Variants in TOR1A observed in about 807,000 individuals in gnomAD.
TOR1A encodes torsin-1A.
In TOR1A, 18 loss-of-function variants were observed where a neutral mutation model predicts 31.4. That is an observed-to-expected ratio of 0.57 (90% confidence interval 0.40 to 0.85). The LOEUF is 0.85. Among genes scored for constraint, TOR1A ranks in the 40% least tolerant of loss-of-function variants. TOR1A has a pLI of 0.00. For missense variants in TOR1A, 375 were observed against 416.4 expected, an observed-to-expected ratio of 0.90 and a Z score of 0.87; for synonymous variants, 168 against 165.9, an observed-to-expected ratio of 1.01 and a Z score of -0.10.
At position 129,814,193 on chromosome 9, in the gene TOR1A, G is replaced by A. The variant is rs771932392; in HGVS notation, c.778C>T (p.Arg260Trp). Reference sequence around the variant, plus strand: ...GGAACAAAATAATCAATGAGGTTCCGGTCAATTAAGCTGCTGTGCCAGAAG... The same window carrying A: ...GGAACAAAATAATCAATGAGGTTCCAGTCAATTAAGCTGCTGTGCCAGAAG... ...SGFWHSSLID[R>W]NLIDYFVPFL... The change falls in exon 5 of 5, where the codon CGG (arginine) becomes TGG (tryptophan). Residue 260 changes from arginine (R) to tryptophan (W), a missense_variant. Transcript: ENST00000351698. 1.6e-5 allele frequency: 26 copies of A among 1,613,950 alleles called. No homozygotes were observed. Among genetic ancestry groups the A allele is most frequent in the South Asian group, 4.4e-5 (4 of 91,072 alleles).
rs2030938279 is a variant in TOR1A at position 129,813,150 on chromosome 9, AT to A, written c.*821del. Reference sequence around the variant, plus strand: ...ATCCAGCAGAGAGCACGTGTGGGCTATTTGGAATGGACAGTGAAGGGCCACC... The same window carrying A: ...ATCCAGCAGAGAGCACGTGTGGGCTATTGGAATGGACAGTGAAGGGCCACC... On this transcript the variant is annotated 3_prime_UTR_variant, in exon 5 of 5. Transcript: ENST00000351698. 7 of 152,220 alleles carry A rather than the reference AT, an allele frequency of 4.6e-5. No individual in the cohort carries two copies. Among genetic ancestry groups the A allele is most frequent in the Admixed American group, 1.3e-4 (2 of 15,276 alleles). The allele number at this position is 152,220 out of a possible 1,614,324, so 9.4% of individuals were successfully genotyped here.
rs752630836 is a variant in TOR1A, at chr9:129,823,956, A to C, written c.130T>G (p.Cys44Gly). ...TGCCCGCAGCACTCGGCGAAGAGGC[A>C]GTAGAGACGCGGGTAGATGTAGCCG... ...LTGYIYPRLY[C>G]LFAECCGQKR... is the part of the protein sequence containing the mutation. The change falls in exon 1 of 5, where the codon TGC becomes GGC. Residue 44 changes from cysteine to glycine, a missense_variant. Transcript: ENST00000351698. The C allele has an allele frequency of 2.9e-5, 45 of 1,549,336 alleles. No homozygotes were observed. In the Admixed American group the frequency reaches 7.1e-4, roughly 24 times the overall value.
chr9:129,823,617 G>C, intron 1 of TOR1A: 1 of 408,352 alleles, frequency 2.4e-6, no homozygotes, highest in Non-Finnish European at 4.4e-6. Flanking sequence ...CAATCCCCTA[G>C]CCCCAGCCAA....
At position 129,813,849 on chromosome 9, in the gene TOR1A, T is replaced by C. The variant is rs2030960164; in HGVS notation, c.*123A>G. 1.4e-6 allele frequency: 2 copies of C among 1,432,232 alleles called. No individual in the cohort carries two copies. Among genetic ancestry groups the C allele is most frequent in the East Asian group, 2.3e-5 (1 of 43,432 alleles). 88.7% of individuals were successfully genotyped at this position (1,432,232 alleles called of 1,614,324 possible). On this transcript the variant is annotated 3_prime_UTR_variant, in exon 5 of 5. Transcript: ENST00000351698. The stretch of plus-strand genomic sequence containing the variant: ...AATGCCAGGGAGAATTCCTGTCACA[T>C]CAAACAGGAACATTCACTGGATTCC...
At chr9:129,814,354 C>T in intron 4 of TOR1A, 132 bp from the exon 5 acceptor site, 2 of 1,395,888 alleles carry the variant, frequency 1.4e-6, no homozygotes, top group South Asian at 1.2e-5. Flanking sequence ...CCATGCCACA[C>T]ACACCTACTG....
chr9:129,821,469 T>A (rs1284666068), intron 2 of TOR1A: 2 of 152,226 alleles, frequency 1.3e-5, no homozygotes, highest in African/African-American at 4.8e-5. Context: ...CAAGCAACAC[T>A]TTGTAAGTCA....
chr9:129,818,880 C>T lies in TOR1A; in HGVS notation c.485G>A (p.Cys162Tyr). Residue 162 changes from cysteine to tyrosine, a missense_variant, in exon 3 of 5, where the codon TGT becomes TAT. Cys to Tyr is a radical substitution (Grantham distance 194). Transcript: ENST00000351698. Reference protein sequence around the residue: ...QLWIRGNVSACARSIFIFDEM... With the variant: ...QLWIRGNVSAYARSIFIFDEM... ...ATCAAATATGAAGATGGACCTCGCA[C>T]AGGCACTCACGTTGCCTCGAATCCA... The T allele has an allele frequency of 1.2e-6, 2 of 1,613,888 alleles. No individual in the cohort carries two copies. Among genetic ancestry groups the T allele is most frequent in the Non-Finnish European group, 1.7e-6 (2 of 1,180,034 alleles).
chr9:129,814,413 C>G (rs1337990110), intron 4 of TOR1A, among the ~76,000 whole-genome samples, 191 bp from the exon 5 acceptor site: 2 of 149,162 alleles, frequency 1.3e-5, no homozygotes, highest in African/African-American at 5.0e-5. Context: ...CACCCACCCT[C>G]CCATCCATCC....
intron 4 of TOR1A, 50 bp downstream of exon 4, chr9:129,818,470 G>C (rs778354249): frequency 6.2e-7 from 1 of 1,611,690 alleles, no homozygotes; most frequent in Admixed American, 1.7e-5. Context: ...TAACACTTAG[G>C]GTGCAGGATT....
chr9:129,816,186 C>G (rs2031033393), intron 4 of TOR1A, among the ~76,000 whole-genome samples: 1 of 152,182 alleles, frequency 6.6e-6, no homozygotes, highest in Non-Finnish European at 1.5e-5. Context: ...CCTCGGGCCC[C>G]TGGACGTGCT....
In TOR1A at chr9:129,818,780, C is replaced by T. The variant is rs1373663408; in HGVS notation, c.585G>A (p.Gly195=). The change falls in exon 3 of 5, where the codon GGG becomes GGA. Residue 195 remains glycine, a synonymous_variant. Coordinates refer to ENST00000351698, the MANE Select transcript of TOR1A (RefSeq NM_000113.3). ...TGAACATGGCTTTCTGGTAGGAGACCCCATCCACCAGGTCATAATAGTCGA... is the reference window on the plus strand; with the variant it reads ...TGAACATGGCTTTCTGGTAGGAGACTCCATCCACCAGGTCATAATAGTCGA... ...PFLDYYDLVD[G]VSYQKAMFIF... is the part of the protein sequence containing the mutation. The T allele has an allele frequency of 8.7e-6, 14 of 1,613,378 alleles. No homozygotes were observed. The highest frequency in any genetic ancestry group is 5.0e-5 in the Admixed American group (3 of 60,024).
At chr9:129,823,739 T>A in intron 1 of TOR1A, 169 bp downstream of exon 1, 26 of 176,964 alleles carry the variant, frequency 1.5e-4, no homozygotes, top group Non-Finnish European at 1.8e-4. Flanking sequence ...CCTAGTGCCA[T>A]CGCCCAGCCC....
intron 4 of TOR1A, 182 bp downstream of exon 4, chr9:129,818,338 G>T: frequency 1.2e-6 from 1 of 856,776 alleles, no homozygotes; most frequent in Non-Finnish European, 1.9e-6. Context: ...AAACATTAGT[G>T]TTCATAAAAG....
rs2030951388 is a variant in TOR1A at position 129,813,621 on chromosome 9, A to C, written c.*351T>G. The C allele has an allele frequency of 2.6e-6, 1 of 384,820 alleles. No individual in the cohort carries two copies. Among genetic ancestry groups the C allele is most frequent in the Non-Finnish European group, 4.9e-6 (1 of 206,004 alleles). The allele number at this position is 384,820 out of a possible 1,614,324, so 23.8% of individuals were successfully genotyped here. On this transcript the variant is annotated 3_prime_UTR_variant, in exon 5 of 5. Transcript: ENST00000351698. The stretch of plus-strand genomic sequence containing the variant: ...TCTCATAATGTTAAAAATCATTTTA[A>C]ATAAAGTTACCACATTTTCAATAAA...
intron 4 of TOR1A, among the ~76,000 whole-genome samples, 157 bp from the exon 5 acceptor site, chr9:129,814,379 A>AC (rs1182422921): frequency 0.013 from 475 of 36,272 alleles, 2 homozygotes; most frequent in South Asian, 0.025. Context: ...TCACCCACCC[A>AC]CCCCCCCCAC....
chr9:129,817,653 C>T (rs184862066), intron 4 of TOR1A, among the ~76,000 whole-genome samples: 40 of 148,538 alleles, frequency 2.7e-4, no homozygotes, highest in Admixed American at 1.2e-3. Context: ...GAGCCGAGAT[C>T]GCGCCACTGC....
Position 129,823,959 on chromosome 9 carries a change from A to G in TOR1A, c.127T>C (p.Tyr43His), listed in dbSNP as rs1481420019. The G allele has an allele frequency of 2.7e-5, 43 of 1,611,220 alleles. No homozygotes were observed. Among genetic ancestry groups the G allele is most frequent in the Non-Finnish European group, 3.6e-5 (43 of 1,179,476 alleles). ...VLTGYIYPRL[Y>H]CLFAECCGQK... ...CCGCAGCACTCGGCGAAGAGGCAGT[A>G]GAGACGCGGGTAGATGTAGCCGGTG... Residue 43 changes from tyrosine to histidine, a missense_variant, in exon 1 of 5, where the codon TAC becomes CAC. By Grantham distance (83) the Tyr-to-His change is moderately conservative. Coordinates refer to ENST00000351698, the MANE Select transcript of TOR1A (RefSeq NM_000113.3).
At position 129,824,070 on chromosome 9, in the gene TOR1A, C is replaced by T. The variant is rs746056174; in HGVS notation, c.16G>A (p.Ala6Thr). 3 of 1,591,048 alleles carry T rather than the reference C, an allele frequency of 1.9e-6. No individual in the cohort carries two copies. Among genetic ancestry groups the T allele is most frequent in the South Asian group, 1.1e-5 (1 of 88,624 alleles). MKLGRAVLGLLLLAPS... is the reference protein window; with the variant it reads MKLGRTVLGLLLLAPS... ...GCCAGCAGCAGCAGGCCCAGCACGG[C>T]CCGGCCCAGCTTCATGCCCGGACCC... The change falls in exon 1 of 5, where the codon GCC becomes ACC. Residue 6 changes from alanine (A) to threonine (T), a missense_variant. Transcript: ENST00000351698.
rs544617639 is a variant in TOR1A at position 129,822,471 on chromosome 9, C to G, written c.444+110G>C. On this transcript the variant is annotated intron_variant, in intron 2 of 4. Transcript: ENST00000351698. ...TTCCAAGGGGAACTGAGACATGAACCGTTTTCCGGGCTCACTCATTTCAAC... is the reference window on the plus strand; with the variant it reads ...TTCCAAGGGGAACTGAGACATGAACGGTTTTCCGGGCTCACTCATTTCAAC... The G allele has an allele frequency of 1.4e-5, 20 of 1,446,788 alleles. No individual in the cohort carries two copies. In the East Asian group the frequency reaches 1.9e-4, roughly 14 times the overall value. 89.6% of individuals were successfully genotyped at this position (1,446,788 alleles called of 1,614,324 possible).
Sources: gnomAD v4.1 joint callset for allele counts (sites outside exome capture counted in the v4.1 genomes callset) on GRCh38, gnomAD v4.1.1 for gene constraint, MANE v1.5 for transcripts, NCBI Gene and HGNC (gene_info 2026-07-23, HGNC 2026-07-21) for gene names.